Variants in LRRC7 observed in about 807,000 individuals in gnomAD.
LRRC7 encodes leucine rich repeat containing 7.
LRRC7 carries 23 observed loss-of-function variants against 175.7 expected under a neutral mutation model. The ratio of observed to expected loss-of-function variants is 0.13; its 90% CI spans 0.09 to 0.19. The LOEUF (loss-of-function observed/expected upper bound fraction) is 0.19. Ranked by LOEUF, LRRC7 falls within the 10% of genes least tolerant of loss-of-function variation. The pLI, the probability that LRRC7 is intolerant of heterozygous loss-of-function variation, is 1.00. For synonymous variants in LRRC7, 685 were observed against 680.9 expected (o/e 1.01, Z -0.09); for missense variants, 1,354 against 1,904.7 (o/e 0.71, Z 5.38).
chr1:69,802,800 A>G (rs1207659866), intron 4 of LRRC7, among the ~76,000 whole-genome samples: 1 of 151,350 alleles, frequency 6.6e-6, no homozygotes, highest in Non-Finnish European at 1.5e-5. Flanking sequence ...CTCTCAATGT[A>G]GTAAAACATA....
At chr1:70,026,578 A>G (rs770045419) in intron 17 of LRRC7, among the ~76,000 whole-genome samples, 28 of 152,178 alleles carry the variant, frequency 1.8e-4, no homozygotes, top group African/African-American at 5.5e-4. Flanking sequence ...TTATACTACA[A>G]TCTAACAACT....
chr1:70,076,194 T>C lies in LRRC7; in HGVS notation c.4348T>C (p.Leu1450=), dbSNP rs374985843. ...GACCATCCAGCAATTTCAGTCACCA[T>C]TGCCTATTCAGATCCCCTCTTCACA... ...KVTIQQFQSP[L]PIQIPSSQAT... is the part of the protein sequence containing the mutation. Residue 1450 remains leucine (L), a synonymous_variant, in exon 24 of 27, where the codon TTG becomes CTG. Transcript: ENST00000651989. 2.9e-5 allele frequency: 47 copies of C among 1,613,992 alleles called. No homozygotes were observed. The highest frequency in any genetic ancestry group is 3.8e-5 in the Non-Finnish European group (45 of 1,180,004).
chr1:69,617,248 G>A (rs1264116998), intron 1 of LRRC7, among the ~76,000 whole-genome samples: 2 of 152,030 alleles, frequency 1.3e-5, no homozygotes, highest in Non-Finnish European at 2.9e-5. Context: ...TTGGGGTTCA[G>A]TATTAAGCAG....
chr1:70,132,462 T>C lies in LRRC7; in HGVS notation c.*10575T>C, dbSNP rs2986584. Among the ~76,000 whole-genome samples, 329 of 20,440 alleles carry C rather than the reference T, an allele frequency of 0.016. 1 individual carries two copies. The highest frequency in any genetic ancestry group is 0.031 in the African/African-American group (155 of 4,966). The allele number at this position is 20,440 out of a possible 152,430, so 13.4% of individuals were successfully genotyped here. A position where few individuals can be genotyped will look rare whatever the true frequency, so the allele number is the denominator to read the frequency against. On this transcript the variant is annotated 3_prime_UTR_variant, in exon 27 of 27. Coordinates refer to ENST00000651989, the MANE Select transcript of LRRC7 (RefSeq NM_001370785.2). The stretch of plus-strand genomic sequence containing the variant: ...TTTTTCTTTTCTTTTCTTTTCTTTT[T>C]TTTTTTTTTTTTTTTTTTTTTGAGA...
intron 26 of LRRC7, among the ~76,000 whole-genome samples, chr1:70,109,193 T>C (rs1006033509): frequency 1.3e-5 from 2 of 152,134 alleles, no homozygotes; most frequent in Non-Finnish European, 2.9e-5. Flanking sequence ...AGCTAATTTT[T>C]GTATTTTTAG....
At chr1:69,899,077 T>A (rs965099648) in intron 7 of LRRC7, among the ~76,000 whole-genome samples, 7 of 152,158 alleles carry the variant, frequency 4.6e-5, no homozygotes, top group African/African-American at 1.4e-4. Context: ...GATTTTAGTA[T>A]TTTTTTATCT....
At chr1:69,578,197 A>G (rs1646036825) in intron 1 of LRRC7, among the ~76,000 whole-genome samples, 1 of 151,610 alleles carries the variant, frequency 6.6e-6, no homozygotes, top group East Asian at 1.9e-4. Context: ...AAAAATGCTC[A>G]CCATCACTGG....
intron 1 of LRRC7, among the ~76,000 whole-genome samples, chr1:69,574,883 A>G (rs1645883784): frequency 6.6e-6 from 1 of 152,200 alleles, no homozygotes; most frequent in Non-Finnish European, 1.5e-5. Flanking sequence ...TAATTTATTA[A>G]GACAATTATA....
chr1:70,118,063 G>GCACA (rs71583108), intron 26 of LRRC7, among the ~76,000 whole-genome samples: 46 of 146,864 alleles, frequency 3.1e-4, no homozygotes, highest in East Asian at 1.2e-3. Flanking sequence ...CTTCTTCTAT[G>GCACA]CACACACACA....
intron 19 of LRRC7, 36 bp downstream of exon 19, chr1:70,036,268 A>G: frequency 6.5e-7 from 1 of 1,541,940 alleles, no homozygotes; most frequent in South Asian, 1.1e-5. Context: ...AATATGCTAC[A>G]AATGCATGTG....
intron 1 of LRRC7, among the ~76,000 whole-genome samples, chr1:69,653,289 T>G (rs1262282272): frequency 6.7e-6 from 1 of 149,260 alleles, no homozygotes; most frequent in East Asian, 2.0e-4. Flanking sequence ...AAAACTTTTT[T>G]TTAATTTTTT....
chr1:70,101,661 T>C (rs1424635502), intron 25 of LRRC7, among the ~76,000 whole-genome samples: 1 of 152,252 alleles, frequency 6.6e-6, no homozygotes, highest in Non-Finnish European at 1.5e-5. Context: ...CTTATCCTTT[T>C]TCCAAAATTA....
chr1:69,846,243 G>A (rs1682352837), intron 7 of LRRC7, among the ~76,000 whole-genome samples: 1 of 152,042 alleles, frequency 6.6e-6, no homozygotes, highest in Admixed American at 6.6e-5. Context: ...GTTCTGCCTT[G>A]TGAACGAATT....
At chr1:70,058,781 T>G (rs960665982) in intron 23 of LRRC7, among the ~76,000 whole-genome samples, 1 of 152,224 alleles carries the variant, frequency 6.6e-6, no homozygotes, top group Non-Finnish European at 1.5e-5. Flanking sequence ...GAAAATAATA[T>G]GAAGGTGATA....
intron 25 of LRRC7, among the ~76,000 whole-genome samples, chr1:70,093,275 G>C (rs1664157529): frequency 6.6e-6 from 1 of 152,140 alleles, no homozygotes; most frequent in Non-Finnish European, 1.5e-5. Flanking sequence ...CTTTTATTGA[G>C]TATATACAAA....
intron 23 of LRRC7, among the ~76,000 whole-genome samples, chr1:70,056,686 C>T (rs748978881): frequency 1.2e-4 from 19 of 152,148 alleles, no homozygotes; most frequent in Admixed American, 7.9e-4. Context: ...CCTCATCTTA[C>T]ATCTCATTGA....
At chr1:69,814,640 A>T (rs1678367865) in intron 4 of LRRC7, among the ~76,000 whole-genome samples, 1 of 152,172 alleles carries the variant, frequency 6.6e-6, no homozygotes, top group Non-Finnish European at 1.5e-5. Context: ...TTTAACCACT[A>T]CACTTTTAAC....
chr1:69,617,983 A>C (rs534532635), intron 1 of LRRC7, among the ~76,000 whole-genome samples: 1 of 152,254 alleles, frequency 6.6e-6, no homozygotes, highest in Non-Finnish European at 1.5e-5. Flanking sequence ...TCTCTAAGAT[A>C]GAGAAATAAT....
chr1:69,833,717 C>T (rs1276467077), intron 5 of LRRC7, among the ~76,000 whole-genome samples: 1 of 151,916 alleles, frequency 6.6e-6, no homozygotes, highest in African/African-American at 2.4e-5. Flanking sequence ...TGTTGCTAGG[C>T]AGCGTAGGAT....
Sources: allele counts gnomAD v4.1 joint callset (sites outside exome capture counted in the v4.1 genomes callset), GRCh38; gene constraint gnomAD v4.1.1; transcripts MANE v1.5; gene names NCBI Gene and HGNC (gene_info 2026-07-23, HGNC 2026-07-21).